The following CHD1L variants were observed in gnomAD, a reference collection of about 807,000 sequenced individuals.
CHD1L encodes ATP-dependent chromatin remodeler CHD1L.
Under a neutral mutation model 115.9 loss-of-function variants are expected in CHD1L, and 118 were observed. That is an observed-to-expected ratio of 1.02 (90% CI 0.88 to 1.19). The LOEUF is 1.19. Among genes scored for constraint, CHD1L ranks in the 50% most tolerant of loss-of-function variants. The probability of loss-of-function intolerance (pLI) is 0.00; values close to 1 mark genes in which losing one functional copy is unlikely to be tolerated. For synonymous variants in CHD1L, 411 were observed against 387.1 expected (o/e 1.06, Z -0.72); for missense variants, 1,179 against 1,065.3 (o/e 1.11, Z -1.49).
intron 4 of CHD1L, 53 bp from the exon 5 acceptor site, chr1:147,256,478 A>G (rs150195284): frequency 4.7e-6 from 7 of 1,487,658 alleles, no homozygotes; most frequent in East Asian, 2.3e-5. Context: ...TAGCTTATCA[A>G]TATCAGAGTT....
intron 14 of CHD1L, among the ~76,000 whole-genome samples, chr1:147,279,030 A>C (rs1052341840): frequency 2.6e-5 from 4 of 152,206 alleles, no homozygotes; most frequent in Non-Finnish European, 5.9e-5. Flanking sequence ...AATTCTTATC[A>C]TAAATAGTTG....
the CHD1L span, among the ~76,000 whole-genome samples, chr1:147,200,309 C>A: frequency 6.6e-6 from 1 of 152,158 alleles, no homozygotes; most frequent in African/African-American, 2.4e-5. Flanking sequence ...GAAGGAAATT[C>A]TCATATCTCT....
intron 12 of CHD1L, among the ~76,000 whole-genome samples, chr1:147,274,458 A>G (rs1339675800): frequency 6.6e-6 from 1 of 152,208 alleles, no homozygotes; most frequent in Non-Finnish European, 1.5e-5. Context: ...TATGGTCAGT[A>G]GTCCTTCTTA....
At chr1:147,268,695 G>A in intron 9 of CHD1L, 87 bp from the exon 10 acceptor site, 1 of 990,032 alleles carries the variant, frequency 1.0e-6, no homozygotes, top group Non-Finnish European at 1.6e-6. Context: ...TATATGATGA[G>A]CTTTTGGCTT....
intron 15 of CHD1L, 28 bp downstream of exon 15, chr1:147,280,219 T>C: frequency 6.5e-7 from 1 of 1,534,576 alleles, no homozygotes; most frequent in Non-Finnish European, 8.7e-7. Flanking sequence ...GCAGAGCAAA[T>C]GGCACAACCA....
chr1:147,274,973 T>A (rs945461941), intron 12 of CHD1L, among the ~76,000 whole-genome samples: 1 of 152,212 alleles, frequency 6.6e-6, no homozygotes, highest in Non-Finnish European at 1.5e-5. Context: ...AGACCTCTCA[T>A]ATTTAGATCT....
the CHD1L span, chr1:147,178,202 T>C: frequency 6.2e-7 from 1 of 1,612,988 alleles, no homozygotes; most frequent in Non-Finnish European, 8.5e-7. Flanking sequence ...GTGCTAGGAC[T>C]CAGGGACGAC....
chr1:147,266,911 GGTAT>G (rs1308003252), intron 8 of CHD1L, among the ~76,000 whole-genome samples: 3 of 152,124 alleles, frequency 2.0e-5, no homozygotes, highest in Non-Finnish European at 4.4e-5. Flanking sequence ...CTTTATCATA[GGTAT>G]GTATGTATGG....
chr1:147,188,607 G>A, the CHD1L span, among the ~76,000 whole-genome samples: 1 of 150,146 alleles, frequency 6.7e-6, no homozygotes, highest in Non-Finnish European at 1.5e-5. Context: ...TGATTATGCA[G>A]ATTAAATAAA....
intron 10 of CHD1L, among the ~76,000 whole-genome samples, chr1:147,270,491 G>GTTTTCTTTCTTTCTTTCTTTCTTTCTTT (rs1553952078): frequency 6.7e-6 from 1 of 148,676 alleles, no homozygotes; most frequent in African/African-American, 2.5e-5. Flanking sequence ...CTGACCACAG[G>GTTTTCTTTCTTTCTTTCTTTCTTTCTTT]CTTTCTTCAG....
intron 20 of CHD1L, among the ~76,000 whole-genome samples, chr1:147,292,350 G>T (rs924093345): frequency 6.6e-6 from 1 of 152,188 alleles, no homozygotes; most frequent in African/African-American, 2.4e-5. Flanking sequence ...GAATCCTTTT[G>T]CATCTTAGGC....
intron 20 of CHD1L, 136 bp downstream of exon 20, chr1:147,291,688 G>A: frequency 1.5e-6 from 1 of 686,052 alleles, no homozygotes; most frequent in Non-Finnish European, 2.6e-6. Flanking sequence ...ACACAGACTA[G>A]GTAGCTTAAA....
the CHD1L span, among the ~76,000 whole-genome samples, chr1:147,228,230 A>G: frequency 6.0e-5 from 9 of 150,844 alleles, no homozygotes; most frequent in Admixed American, 2.6e-4. Flanking sequence ...TCATTGTTCA[A>G]TTCCCACCTA....
Position 147,272,198 on chromosome 1 carries a change from CTG to C in CHD1L, c.1190_1191del (p.Val397GlufsTer10). ...TACAGCTATGAGCGTGTGGATGGTT[CTG>C]TGAGAGGAGAAGAGAGACACTTGGC... On this transcript the variant is annotated frameshift_variant, in exon 12 of 23. Coordinates refer to ENST00000369258, the MANE Select transcript of CHD1L (RefSeq NM_004284.6). LOFTEE classifies it high-confidence loss of function. 1 of 1,614,050 alleles carries C rather than the reference CTG, an allele frequency of 6.2e-7. No homozygotes were observed. Among genetic ancestry groups the C allele is most frequent in the Admixed American group, 1.7e-5 (1 of 60,014 alleles).
At chr1:147,211,024 C>G in the CHD1L span, 1 of 152,162 alleles carries the variant, frequency 6.6e-6, no homozygotes, top group Admixed American at 6.5e-5. Context: ...ATACAATTTA[C>G]AAGTAAAGTA....
intron 6 of CHD1L, among the ~76,000 whole-genome samples, chr1:147,263,259 C>T (rs747282416): frequency 6.6e-5 from 10 of 151,738 alleles, no homozygotes; most frequent in South Asian, 2.1e-4. Flanking sequence ...GAGACCTTGT[C>T]GCTATAAGAA....
chr1:147,198,934 C>T, the CHD1L span, among the ~76,000 whole-genome samples: 1 of 150,948 alleles, frequency 6.6e-6, no homozygotes, highest in Non-Finnish European at 1.5e-5. Context: ...AACTTTAATG[C>T]CAGCCTATGA....
the CHD1L span, among the ~76,000 whole-genome samples, chr1:147,205,335 C>T: frequency 1.3e-5 from 2 of 152,140 alleles, no homozygotes; most frequent in Non-Finnish European, 2.9e-5. Context: ...ATCTATACCA[C>T]CTTATCTAAG....
In CHD1L at chr1:147,252,882, A is replaced by G; in HGVS notation, c.240+147A>G. The G allele has an allele frequency of 3.5e-5, 23 of 651,318 alleles. 1 individual carries two copies. In the South Asian group the frequency reaches 4.3e-4, roughly 12 times the overall value. 40.3% of individuals were successfully genotyped at this position (651,318 alleles called of 1,614,324 possible). A position where few individuals can be genotyped will look rare whatever the true frequency, so the allele number is the denominator to read the frequency against. ...GGCTAACTGGCTCTTGCACCGGGAA[A>G]GGGCCTTCCCTGTACAGTCTTCTCT... On this transcript the variant is annotated intron_variant, in intron 2 of 22. Coordinates refer to ENST00000369258, the MANE Select transcript of CHD1L (RefSeq NM_004284.6).
Sources: allele counts gnomAD v4.1 joint callset (sites outside exome capture counted in the v4.1 genomes callset), GRCh38; gene constraint gnomAD v4.1.1; transcripts MANE v1.5; gene names NCBI Gene and HGNC (gene_info 2026-07-23, HGNC 2026-07-21).